The following RIC3 variants were observed in gnomAD, a reference collection of about 807,000 sequenced individuals.
RIC3 encodes RIC3 acetylcholine receptor chaperone.
Under a neutral mutation model 27.3 loss-of-function variants are expected in RIC3, and 28 were observed. That is an observed-to-expected ratio of 1.02 (90% CI 0.76 to 1.41). The LOEUF is 1.41. Ranked by LOEUF, RIC3 falls within the 40% of genes most tolerant of loss-of-function variation. The probability of loss-of-function intolerance (pLI) is 0.00; values close to 1 mark genes in which losing one functional copy is unlikely to be tolerated. For synonymous variants in RIC3, 184 were observed against 160.4 expected, an observed-to-expected ratio of 1.15 and a Z score of -1.11; for missense variants, 501 against 444.7, an observed-to-expected ratio of 1.13 and a Z score of -1.14.
intron 5 of RIC3, 103 bp from the exon 6 acceptor site, chr11:8,111,240 C>G: frequency 1.2e-6 from 1 of 813,056 alleles, no homozygotes; most frequent in South Asian, 1.9e-5. Context: ...GCCATCCTAT[C>G]CTAACAAATC....
At chr11:8,136,417 C>T (rs1948430503) in intron 4 of RIC3, among the ~76,000 whole-genome samples, 1 of 152,192 alleles carries the variant, frequency 6.6e-6, no homozygotes, top group Admixed American at 6.5e-5. Flanking sequence ...TCCATCCTTG[C>T]CAGAAGACCT....
chr11:8,111,186 A>C (rs761687953), intron 5 of RIC3, 49 bp from the exon 6 acceptor site: 65 of 1,364,364 alleles, frequency 4.8e-5, no homozygotes, highest in Non-Finnish European at 6.5e-5. Flanking sequence ...CTCCTCAAAA[A>C]AAAAAAAAAT....
the RIC3 span, chr11:8,096,566 C>A: frequency 1.4e-6 from 1 of 732,484 alleles, no homozygotes; most frequent in East Asian, 2.5e-5. Flanking sequence ...AGAGTGTGTG[C>A]ATAAGTTTGT....
chr11:8,166,743 A>C (rs1951730705), intron 1 of RIC3, among the ~76,000 whole-genome samples: 2 of 152,146 alleles, frequency 1.3e-5, no homozygotes, highest in Admixed American at 1.3e-4. Flanking sequence ...TTAGCCAGGC[A>C]TGGTGGCATG....
the RIC3 span, chr11:8,095,392 G>A: frequency 8.1e-7 from 1 of 1,232,012 alleles, no homozygotes; most frequent in South Asian, 1.6e-5. Context: ...ATAAAGTTTT[G>A]CAGAGGGTTT....
chr11:8,132,652 C>T (rs1947873733), intron 4 of RIC3, among the ~76,000 whole-genome samples: 2 of 152,186 alleles, frequency 1.3e-5, no homozygotes, highest in South Asian at 4.1e-4. Context: ...CCCCATATTT[C>T]TGTTCTTACT....
In RIC3 at chr11:8,108,109, C is replaced by G. The variant is rs1039028761; in HGVS notation, c.*2589G>C. On this transcript the variant is annotated 3_prime_UTR_variant, in exon 6 of 6. Transcript: ENST00000309737. Reference sequence around the variant, plus strand: ...ATATATTCCTTATATATAAACCAACCAAGAGCTAGGGCAGGAAGAACCACC... The same window carrying G: ...ATATATTCCTTATATATAAACCAACGAAGAGCTAGGGCAGGAAGAACCACC... The G allele has an allele frequency of 6.6e-6, 1 of 152,088 alleles. No homozygotes were observed. Among genetic ancestry groups the G allele is most frequent in the African/African-American group, 2.4e-5 (1 of 41,404 alleles). The allele number at this position is 152,088 out of a possible 1,614,324, so 9.4% of individuals were successfully genotyped here.
chr11:8,121,898 T>C (rs80104169), intron 5 of RIC3, among the ~76,000 whole-genome samples: 2,612 of 152,224 alleles, frequency 0.017, 79 homozygotes, highest in African/African-American at 0.059. Flanking sequence ...TAACCTTTTT[T>C]ATTTTGAGAT....
At chr11:8,152,864 TC>T (rs1481954824) in intron 1 of RIC3, among the ~76,000 whole-genome samples, 1 of 151,968 alleles carries the variant, frequency 6.6e-6, no homozygotes, top group Non-Finnish European at 1.5e-5. Flanking sequence ...AACAATGCTT[TC>T]TCCAGGAAGC....
chr11:8,156,993 C>G (rs1041814279), intron 1 of RIC3, among the ~76,000 whole-genome samples: 2 of 152,164 alleles, frequency 1.3e-5, no homozygotes, highest in African/African-American at 4.8e-5. Context: ...CCTCTAACAT[C>G]TAAAAGTTGG....
intron 5 of RIC3, among the ~76,000 whole-genome samples, chr11:8,118,084 GTGGTGGCAGGCGCC>G (rs1336544752): frequency 1.1e-4 from 17 of 151,778 alleles, no homozygotes; most frequent in Non-Finnish European, 2.9e-5. Flanking sequence ...TTAGCCAGGC[GTGGTGGCAGGCGCC>G]TGTAGTCCCA....
Position 8,140,149 on chromosome 11 carries a change from G to T in RIC3, c.169C>A (p.Pro57Thr), listed in dbSNP as rs778138358. Residue 57 changes from proline to threonine, a missense_variant, in exon 2 of 6, where the codon CCC becomes ACC. Transcript: ENST00000309737. The part of the protein sequence containing the change: ...FPPMMHHHQA[P>T]SDGQTPGARF... ...GCCCCAGGAGTCTGGCCATCTGAGG[G>T]TGCCTGGTGATGATGCATCATAGGT... 1.6e-5 allele frequency: 26 copies of T among 1,614,070 alleles called. No individual in the cohort carries two copies. In the South Asian group the frequency reaches 2.6e-4, roughly 16 times the overall value.
chr11:8,113,240 T>C (rs533369640), intron 5 of RIC3, among the ~76,000 whole-genome samples: 3 of 152,210 alleles, frequency 2.0e-5, no homozygotes, highest in Non-Finnish European at 4.4e-5. Flanking sequence ...TGCTGGCATG[T>C]CCCTGTCTTC....
Position 8,139,636 on chromosome 11 carries a change from ATT to A in RIC3, c.351+329_351+330del, listed in dbSNP as rs72265360. 7.7e-3 allele frequency: 713 copies of A among 92,686 alleles called. 3 individuals carry two copies. Among genetic ancestry groups the A allele is most frequent in the African/African-American group, 0.031 (654 of 21,044 alleles). 5.7% of individuals were successfully genotyped at this position (92,686 alleles called of 1,614,324 possible). A position where few individuals can be genotyped will look rare whatever the true frequency, so the allele number is the denominator to read the frequency against. Reference sequence around the variant, plus strand: ...TCCTTTTCGGCCTGTAAAGATGTTAATTTTTTTTTTTTTTTTTTTTTTTTTGG... The same window carrying A: ...TCCTTTTCGGCCTGTAAAGATGTTAATTTTTTTTTTTTTTTTTTTTTTTGG... On this transcript the variant is annotated intron_variant, in intron 2 of 5. Coordinates refer to ENST00000309737, the MANE Select transcript of RIC3 (RefSeq NM_001206671.4).
intron 4 of RIC3, among the ~76,000 whole-genome samples, chr11:8,136,588 C>T (rs1948449536): frequency 6.6e-6 from 1 of 152,144 alleles, no homozygotes; most frequent in African/African-American, 2.4e-5. Context: ...GAGTGTCTTC[C>T]CTTTGGGACA....
At chr11:8,118,224 CAA>C (rs989594446) in intron 5 of RIC3, among the ~76,000 whole-genome samples, 4 of 46,012 alleles carry the variant, frequency 8.7e-5, no homozygotes, top group Non-Finnish European at 1.4e-4. Context: ...GGTTCCATCT[CAA>C]AAAAAAAAAA....
the RIC3 span, chr11:8,100,613 C>G: frequency 1.9e-6 from 3 of 1,608,818 alleles, no homozygotes; most frequent in Non-Finnish European, 1.7e-6. Flanking sequence ...TGAGTGTCTA[C>G]CCCTTCCTCC....
At chr11:8,118,605 C>T (rs1174597578) in intron 5 of RIC3, among the ~76,000 whole-genome samples, 10 of 149,924 alleles carry the variant, frequency 6.7e-5, no homozygotes, top group South Asian at 4.2e-4. Flanking sequence ...CAGTGGCTCA[C>T]GCCTGTAATC....
At chr11:8,095,407 A>ATCC in the RIC3 span, 5 of 1,378,656 alleles carry the variant, frequency 3.6e-6, no homozygotes, top group Non-Finnish European at 4.9e-6. Context: ...GGGTTTCCCC[A>ATCC]CTCTTCCCTC....
Sources: allele counts gnomAD v4.1 joint callset (sites outside exome capture counted in the v4.1 genomes callset), GRCh38; gene constraint gnomAD v4.1.1; transcripts MANE v1.5; gene names NCBI Gene and HGNC (gene_info 2026-07-23, HGNC 2026-07-21).